The following LRP2 variants were observed in gnomAD, a reference collection of about 807,000 sequenced individuals.
The protein encoded by LRP2 is LDL receptor related protein 2.
A neutral mutation model predicts 531.0 loss-of-function variants in LRP2; 172 were observed. The observed-to-expected ratio is 0.32, with a 90% CI of 0.29 to 0.37. The LOEUF (loss-of-function observed/expected upper bound fraction) is 0.37. Ranked by LOEUF, LRP2 falls within the 10% of genes least tolerant of loss-of-function variation. LRP2 has a pLI of 1.00. For missense variants in LRP2, 5,167 were observed against 5,868.3 expected (o/e 0.88, Z 3.90); for synonymous variants, 1,992 against 2,027.6 (o/e 0.98, Z 0.47).
chr2:169,325,626 G>A (rs1402274928), intron 1 of LRP2, among the ~76,000 whole-genome samples: 1 of 152,162 alleles, frequency 6.6e-6, no homozygotes, highest in Admixed American at 6.5e-5. Context: ...GTAACAAATT[G>A]TATGGAGCAC....
intron 13 of LRP2, among the ~76,000 whole-genome samples, chr2:169,276,175 C>T (rs1413284648): frequency 6.6e-6 from 1 of 152,054 alleles, no homozygotes; most frequent in Non-Finnish European, 1.5e-5. Context: ...TTGAAACATT[C>T]TATAATGACA....
chr2:169,247,098 CT>C, intron 20 of LRP2, 112 bp from the exon 21 acceptor site: 1 of 1,266,428 alleles, frequency 7.9e-7, no homozygotes, highest in Non-Finnish European at 1.1e-6. Context: ...AGACCCAATA[CT>C]AAAAAGTAGC....
rs1689411078 is a variant in LRP2 at position 169,231,711 on chromosome 2, T to C, written c.5227+3A>G. 1 of 1,613,810 alleles carries C rather than the reference T, an allele frequency of 6.2e-7. No homozygotes were observed. The highest frequency in any genetic ancestry group is 1.3e-5 in the African/African-American group (1 of 75,000). ...CAGAGCTCACATAAGGAGCATACTA[T>C]ACCTCTCAAGCAATTCAGGAGATCA... On this transcript the variant is annotated splice_donor_region_variant and intron_variant, in intron 31 of 78. Coordinates refer to ENST00000649046, the MANE Select transcript of LRP2 (RefSeq NM_004525.3).
intron 14 of LRP2, 83 bp downstream of exon 14, chr2:169,274,953 C>T (rs1019462893): frequency 1.7e-4 from 224 of 1,352,792 alleles, no homozygotes; most frequent in South Asian, 1.2e-3. Context: ...CATAAGACCC[C>T]TCATTATTAA....
Position 169,174,047 on chromosome 2 carries a change from T to C in LRP2, c.10886A>G (p.His3629Arg), listed in dbSNP as rs2105281974. Residue 3629 changes from histidine (H) to arginine (R), a missense_variant, in exon 56 of 79, where the codon CAC (histidine) becomes CGC (arginine). His to Arg is a conservative substitution (Grantham distance 29). Around this residue, in one of 6 missense-constraint regions of LRP2, gnomAD observed 311 missense variants for 309.4 expected, o/e 1.01. Transcript: ENST00000649046. ...CGGCCGGCAGGTCCTGCTGGCACAG[T>C]GGGAACTGTCTTCATCTGAGTTATC... ...CEDNSDEDSS[H>R]CASRTCRPGQ... 1 of 1,614,170 alleles carries C rather than the reference T, an allele frequency of 6.2e-7. No individual in the cohort carries two copies. Among genetic ancestry groups the C allele is most frequent in the African/African-American group, 1.3e-5 (1 of 75,038 alleles).
At chr2:169,298,870 A>T (rs1293589598) in intron 4 of LRP2, among the ~76,000 whole-genome samples, 4 of 151,454 alleles carry the variant, frequency 2.6e-5, no homozygotes, top group Non-Finnish European at 5.9e-5. Flanking sequence ...GACTCCCCAA[A>T]CCCCCATTCC....
intron 71 of LRP2, 48 bp from the exon 72 acceptor site, chr2:169,140,593 G>A (rs192556959): frequency 6.9e-7 from 1 of 1,447,616 alleles, no homozygotes; most frequent in South Asian, 1.1e-5. Flanking sequence ...GTACTCAGCA[G>A]AGTGCCCACA....
intron 18 of LRP2, 71 bp downstream of exon 18, chr2:169,257,053 A>G (rs1574186251): frequency 1.9e-6 from 3 of 1,586,586 alleles, no homozygotes; most frequent in Non-Finnish European, 2.6e-6. Context: ...CCATCATATC[A>G]CCCAACCTGC....
rs1206787471 is a variant in LRP2 at position 169,168,782 on chromosome 2, C to T, written c.11498-106G>A. The stretch of plus-strand genomic sequence containing the variant: ...GCTCTTGCCATTATAGCCTGCTCTT[C>T]TTTATTCATCAAGATGTATAGTGGC... On this transcript the variant is annotated intron_variant, in intron 60 of 78. Transcript: ENST00000649046. 12 of 1,231,036 alleles carry T rather than the reference C, an allele frequency of 9.7e-6. No homozygotes were observed. The East Asian group carries it at 2.5e-4, about 26-fold the overall frequency. The allele number at this position is 1,231,036 out of a possible 1,614,324, so 76.3% of individuals were successfully genotyped here. A position where few individuals can be genotyped will look rare whatever the true frequency, so the allele number is the denominator to read the frequency against.
intron 16 of LRP2, among the ~76,000 whole-genome samples, chr2:169,262,072 C>T (rs376106719): frequency 6.6e-6 from 1 of 151,940 alleles, no homozygotes; most frequent in Non-Finnish European, 1.5e-5. Context: ...TCTCAATAAA[C>T]TAGGTATTGA....
intron 1 of LRP2, among the ~76,000 whole-genome samples, chr2:169,345,213 T>G (rs1342692057): frequency 1.3e-5 from 2 of 152,188 alleles, no homozygotes; most frequent in Admixed American, 1.3e-4. Context: ...AAGAGAGATT[T>G]CTTGAGTGTG....
chr2:169,206,219 G>A lies in LRP2; in HGVS notation c.7391-31C>T, dbSNP rs1215259891. 6 of 1,613,650 alleles carry A rather than the reference G, an allele frequency of 3.7e-6. No individual in the cohort carries two copies. In the East Asian group the frequency reaches 1.1e-4, roughly 30 times the overall value. On this transcript the variant is annotated intron_variant, in intron 39 of 78. Transcript: ENST00000649046. ...CACATACAGGCAGACACACACACAA[G>A]CACACACAAAGACATTAGAGTCTCA...
intron 4 of LRP2, 74 bp from the exon 5 acceptor site, chr2:169,294,784 C>T: frequency 1.1e-6 from 1 of 930,952 alleles, no homozygotes; most frequent in African/African-American, 1.7e-5. Flanking sequence ...CTTCAGCAAA[C>T]ATTTATTGAG....
intron 1 of LRP2, among the ~76,000 whole-genome samples, chr2:169,350,020 G>A (rs1203827554): frequency 6.6e-6 from 1 of 152,240 alleles, no homozygotes; most frequent in African/African-American, 2.4e-5. Flanking sequence ...AATCGTCGAG[G>A]CAAGAGAGGG....
chr2:169,201,939 C>T lies in LRP2; in HGVS notation c.8210-69G>A, dbSNP rs62172610. The T allele has an allele frequency of 0.028, 43,806 of 1,583,248 alleles. 716 individuals carry two copies. The highest frequency in any genetic ancestry group is 0.031 in the Non-Finnish European group (35,697 of 1,162,740). On this transcript the variant is annotated intron_variant, in intron 43 of 78. Coordinates refer to ENST00000649046, the MANE Select transcript of LRP2 (RefSeq NM_004525.3). The stretch of plus-strand genomic sequence containing the variant: ...CATTATCCTAATTTTTAAAAAGATA[C>T]AATTAAATAAAAGAGACACTTTGAA...
chr2:169,309,623 G>A (rs1378294138), intron 3 of LRP2, among the ~76,000 whole-genome samples: 1 of 152,156 alleles, frequency 6.6e-6, no homozygotes, highest in Non-Finnish European at 1.5e-5. Flanking sequence ...TTTGGTTACT[G>A]TAGCCTTGTA....
chr2:169,257,915 C>G (rs1219223484), intron 17 of LRP2, among the ~76,000 whole-genome samples: 1 of 151,462 alleles, frequency 6.6e-6, no homozygotes, highest in Non-Finnish European at 1.5e-5. Flanking sequence ...TTATTCTTTT[C>G]CAAAATGTAA....
At chr2:169,165,135 G>A (rs1437057661) in intron 62 of LRP2, among the ~76,000 whole-genome samples, 3 of 152,244 alleles carry the variant, frequency 2.0e-5, no homozygotes, top group South Asian at 2.1e-4. Flanking sequence ...GTGGCAAAGC[G>A]TTCTAAGACC....
At chr2:169,343,677 T>C (rs977286719) in intron 1 of LRP2, among the ~76,000 whole-genome samples, 7 of 152,196 alleles carry the variant, frequency 4.6e-5, no homozygotes, top group African/African-American at 1.7e-4. Context: ...ATCTCTGAGC[T>C]GTGATTCCAG....
Sources: allele counts gnomAD v4.1 joint callset (sites outside exome capture counted in the v4.1 genomes callset), GRCh38; gene constraint gnomAD v4.1.1; regional missense constraint gnomAD v4.1.1; transcripts MANE v1.5; gene names NCBI Gene and HGNC (gene_info 2026-07-23, HGNC 2026-07-21).